Variants in NEGR1 observed in about 807,000 individuals in gnomAD.
NEGR1 encodes the protein IgLON family member 4.
NEGR1 carries 10 observed loss-of-function variants against 40.9 expected under a neutral mutation model. The ratio of observed to expected loss-of-function variants is 0.24; its 90% CI spans 0.15 to 0.42. The LOEUF (loss-of-function observed/expected upper bound fraction) is 0.42, where lower values mean the gene tolerates loss of function less well. NEGR1 is among the 10% of genes least tolerant of loss of function. NEGR1 has a pLI of 1.00. For missense variants in NEGR1, 352 were observed against 438.9 expected (o/e 0.80, Z 1.77); for synonymous variants, 185 against 166.8 (o/e 1.11, Z -0.84).
intron 1 of NEGR1, among the ~76,000 whole-genome samples, chr1:72,114,372 C>A (rs1173614696): frequency 3.3e-5 from 5 of 151,674 alleles, no homozygotes; most frequent in Admixed American, 6.6e-5. Context: ...AATTGCCTAT[C>A]CTGTAGATAT....
chr1:72,280,070 T>C (rs1656190364), intron 1 of NEGR1, among the ~76,000 whole-genome samples: 1 of 152,200 alleles, frequency 6.6e-6, no homozygotes, highest in African/African-American at 2.4e-5. Flanking sequence ...TTAAGAAGTT[T>C]GAAAGTCAAG....
At chr1:71,559,019 G>GTATA (rs1553150124) in intron 6 of NEGR1, among the ~76,000 whole-genome samples, 158 of 114,074 alleles carry the variant, frequency 1.4e-3, no homozygotes, top group African/African-American at 4.3e-3. Context: ...CTGTGTGTGT[G>GTATA]TATATATATA....
At chr1:71,474,739 C>CCAG (rs1646809207) in intron 6 of NEGR1, among the ~76,000 whole-genome samples, 1 of 103,824 alleles carries the variant, frequency 9.6e-6, no homozygotes. Flanking sequence ...AAAAAAAAAA[C>CCAG]AAAAAAACAA....
intron 6 of NEGR1, among the ~76,000 whole-genome samples, chr1:71,481,317 GACAA>G (rs1383353658): frequency 6.6e-6 from 1 of 151,728 alleles, no homozygotes; most frequent in African/African-American, 2.4e-5. Context: ...AGCTTCTATA[GACAA>G]ACACTTTTAA....
intron 3 of NEGR1, among the ~76,000 whole-genome samples, chr1:71,754,574 C>A (rs2101691551): frequency 6.6e-6 from 1 of 152,156 alleles, no homozygotes; most frequent in Admixed American, 6.5e-5. Flanking sequence ...ATCTGGAACC[C>A]TAAACAGCAG....
intron 4 of NEGR1, among the ~76,000 whole-genome samples, chr1:71,657,307 A>G (rs889069053): frequency 6.6e-6 from 1 of 152,186 alleles, no homozygotes; most frequent in African/African-American, 2.4e-5. Context: ...AAAAAGGCTC[A>G]AGATCAAGAA....
chr1:71,924,822 A>C (rs538406527), intron 2 of NEGR1, among the ~76,000 whole-genome samples: 1 of 152,330 alleles, frequency 6.6e-6, no homozygotes, highest in Non-Finnish European at 1.5e-5. Flanking sequence ...TGGAAATTAT[A>C]GAGAATAAGA....
intron 1 of NEGR1, among the ~76,000 whole-genome samples, chr1:71,993,029 C>T (rs1237860463): frequency 6.6e-6 from 1 of 152,022 alleles, no homozygotes; most frequent in Non-Finnish European, 1.5e-5. Flanking sequence ...GAAAAGAGAG[C>T]CATCATCTGC....
At chr1:71,704,129 A>C (rs1653803332) in intron 3 of NEGR1, among the ~76,000 whole-genome samples, 1 of 150,504 alleles carries the variant, frequency 6.6e-6, no homozygotes, top group Non-Finnish European at 1.5e-5. Context: ...TATGCAAGCC[A>C]AGAGAAAATA....
intron 4 of NEGR1, among the ~76,000 whole-genome samples, chr1:71,672,359 A>T (rs77867818): frequency 6.6e-6 from 1 of 152,210 alleles, no homozygotes; most frequent in Non-Finnish European, 1.5e-5. Flanking sequence ...GAAAGTTAAG[A>T]CACTCATGAG....
intron 1 of NEGR1, among the ~76,000 whole-genome samples, chr1:71,951,220 C>T (rs1646067964): frequency 6.6e-6 from 1 of 151,882 alleles, no homozygotes; most frequent in Admixed American, 6.6e-5. Flanking sequence ...TAGCCAAACA[C>T]CAAATTCTCT....
At chr1:71,425,690 A>T (rs1646424480) in intron 6 of NEGR1, among the ~76,000 whole-genome samples, 1 of 152,160 alleles carries the variant, frequency 6.6e-6, no homozygotes, top group Admixed American at 6.5e-5. Flanking sequence ...AACACTTCTC[A>T]ATGAATAACT....
chr1:71,548,860 C>A (rs1170528059), intron 6 of NEGR1, among the ~76,000 whole-genome samples: 1 of 151,596 alleles, frequency 6.6e-6, no homozygotes, highest in Non-Finnish European at 1.5e-5. Flanking sequence ...ATATTATTTG[C>A]GACTTTGTAG....
intron 2 of NEGR1, among the ~76,000 whole-genome samples, chr1:71,888,570 C>A (rs1660806550): frequency 6.7e-6 from 1 of 149,576 alleles, no homozygotes; most frequent in African/African-American, 2.5e-5. Context: ...GGTCCTACGC[C>A]CACGGAATCT....
At chr1:72,204,666 A>C (rs181270238) in intron 1 of NEGR1, among the ~76,000 whole-genome samples, 1 of 152,274 alleles carries the variant, frequency 6.6e-6, no homozygotes, top group East Asian at 1.9e-4. Flanking sequence ...AGGACACACA[A>C]AAAAAACTCT....
At chr1:71,780,850 C>G (rs1243727998) in intron 2 of NEGR1, among the ~76,000 whole-genome samples, 1 of 152,176 alleles carries the variant, frequency 6.6e-6, no homozygotes, top group Non-Finnish European at 1.5e-5. Flanking sequence ...GGCAATTTGA[C>G]TTACTCCACC....
chr1:72,151,756 A>G (rs1486065870), intron 1 of NEGR1, among the ~76,000 whole-genome samples: 1 of 151,856 alleles, frequency 6.6e-6, no homozygotes, highest in East Asian at 1.9e-4. Flanking sequence ...AAAAGACAAA[A>G]ATCAAGCAAA....
At chr1:71,520,856 C>A (rs898089161) in intron 6 of NEGR1, among the ~76,000 whole-genome samples, 2 of 152,024 alleles carry the variant, frequency 1.3e-5, no homozygotes, top group Non-Finnish European at 2.9e-5. Context: ...TAAGAAATTA[C>A]AAGTTACCCT....
intron 1 of NEGR1, among the ~76,000 whole-genome samples, chr1:71,981,952 A>G (rs34256150): frequency 6.6e-6 from 1 of 152,276 alleles, no homozygotes; most frequent in East Asian, 1.9e-4. Context: ...ATTGTTTAGC[A>G]CTGTATACAT....
Sources: allele counts gnomAD v4.1 joint callset (sites outside exome capture counted in the v4.1 genomes callset), GRCh38; gene constraint gnomAD v4.1.1; transcripts MANE v1.5; gene names NCBI Gene and HGNC (gene_info 2026-07-23, HGNC 2026-07-21).